The following CELF1 variants were observed in gnomAD, a reference collection of about 807,000 sequenced individuals.
CELF1 encodes the protein CUGBP Elav-like family member 1.
Under a neutral mutation model 61.8 loss-of-function variants are expected in CELF1, and 10 were observed. The ratio of observed to expected loss-of-function variants is 0.16; its 90% CI spans 0.10 to 0.27. The LOEUF (loss-of-function observed/expected upper bound fraction) is 0.27, where lower values mean the gene tolerates loss of function less well. Ranked by LOEUF, CELF1 falls within the 10% of genes least tolerant of loss-of-function variation. The pLI is 1.00. For missense variants in CELF1, 380 were observed against 639.1 expected (o/e 0.59, Z 4.37); for synonymous variants, 236 against 225.1 (o/e 1.05, Z -0.43).
chr11:47,553,188 G>A (rs927327979), upstream of CELF1: 295 of 392,278 alleles, frequency 7.5e-4, 4 homozygotes, highest in East Asian at 0.011. Flanking sequence ...AGAGGAGGAG[G>A]GGGAGCGCGG....
chr11:47,547,597 A>G (rs2096999196), intron 1 of CELF1, among the ~76,000 whole-genome samples: 1 of 143,514 alleles, frequency 7.0e-6, no homozygotes, highest in Non-Finnish European at 1.5e-5. Context: ...TGAACCCGGG[A>G]GGCGGAGGTT....
In CELF1 at chr11:47,468,318, A is replaced by G. The variant is rs1769087847; in HGVS notation, c.*3912T>C. 1 of 152,226 alleles carries G rather than the reference A, an allele frequency of 6.6e-6. No individual in the cohort carries two copies. The highest frequency in any genetic ancestry group is 2.4e-5 in the African/African-American group (1 of 41,440). The allele number at this position is 152,226 out of a possible 1,614,324, so 9.4% of individuals were successfully genotyped here. A position where few individuals can be genotyped will look rare whatever the true frequency, so the allele number is the denominator to read the frequency against. On this transcript the variant is annotated 3_prime_UTR_variant, in exon 15 of 15. Coordinates refer to ENST00000687097, the MANE Select transcript of CELF1 (RefSeq NM_001376376.1). ...TCTCCGCAGTTGAGAACTCAGAAGAAAAACAAAAGAAAGAACAATACATGC... is the reference window on the plus strand; with the variant it reads ...TCTCCGCAGTTGAGAACTCAGAAGAGAAACAAAAGAAAGAACAATACATGC...
At chr11:47,502,320 A>C (rs1355220571) in intron 1 of CELF1, among the ~76,000 whole-genome samples, 1 of 152,208 alleles carries the variant, frequency 6.6e-6, no homozygotes, top group African/African-American at 2.4e-5. Flanking sequence ...CACCAGAGTT[A>C]TCTCAGTATA....
chr11:47,485,790 C>T (rs1025862118), intron 6 of CELF1, among the ~76,000 whole-genome samples: 24 of 149,800 alleles, frequency 1.6e-4, no homozygotes, highest in African/African-American at 5.3e-4. Flanking sequence ...CCATGTTGGC[C>T]GGGTGATCCG....
At chr11:47,545,077 G>A (rs2096898494) in intron 1 of CELF1, among the ~76,000 whole-genome samples, 1 of 152,126 alleles carries the variant, frequency 6.6e-6, no homozygotes, top group Non-Finnish European at 1.5e-5. Context: ...GAGATCAGGA[G>A]TTCAAGATCA....
Position 47,484,411 on chromosome 11 carries a change from C to A in CELF1, c.504G>T (p.Arg168=). The change falls in exon 7 of 15, where the codon CGG becomes CGT. Residue 168 remains arginine (R), a synonymous_variant. Coordinates refer to ENST00000687097, the MANE Select transcript of CELF1 (RefSeq NM_001376376.1). ...FGQIEECRIL[R]GPDGLSRGCA... ...TACCTCGGCTCAGGCCATCAGGTCC[C>A]CGCAATATCCGGCATTCTTCAATCT... The A allele has an allele frequency of 6.2e-7, 1 of 1,613,474 alleles. No homozygotes were observed. Among genetic ancestry groups the A allele is most frequent in the Non-Finnish European group, 8.5e-7 (1 of 1,179,804 alleles).
upstream of CELF1, among the ~76,000 whole-genome samples, chr11:47,554,910 C>T (rs992127510): frequency 4.6e-5 from 7 of 152,066 alleles, no homozygotes; most frequent in African/African-American, 1.4e-4. Context: ...GTGTTCTGCC[C>T]GCCTCTGCCT....
chr11:47,499,696 G>A (rs1438092624), intron 2 of CELF1, 92 bp from the exon 3 acceptor site: 2 of 599,940 alleles, frequency 3.3e-6, no homozygotes, highest in Non-Finnish European at 5.9e-6. Context: ...GGAAGGGGTA[G>A]GGAAAGGGAG....
chr11:47,545,915 ATTTTT>A (rs11315630), intron 1 of CELF1, among the ~76,000 whole-genome samples: 1 of 135,844 alleles, frequency 7.4e-6, no homozygotes, highest in African/African-American at 2.8e-5. Context: ...GTATATATAT[ATTTTT>A]TTTTTTTTGA....
At chr11:47,514,692 C>CCA (rs1299644532) in intron 1 of CELF1, among the ~76,000 whole-genome samples, 3 of 106,070 alleles carry the variant, frequency 2.8e-5, no homozygotes, top group East Asian at 2.8e-4. Context: ...CCTATCTCTA[C>CCA]AAAAAAAAAA....
chr11:47,536,954 A>C (rs1327915917), intron 1 of CELF1, among the ~76,000 whole-genome samples: 1 of 152,216 alleles, frequency 6.6e-6, no homozygotes, highest in Non-Finnish European at 1.5e-5. Context: ...AATATCAAAC[A>C]GCCTAGAAAC....
chr11:47,482,928 T>A (rs561232755), intron 8 of CELF1, 72 bp from the exon 9 acceptor site: 3 of 1,383,898 alleles, frequency 2.2e-6, no homozygotes, highest in Non-Finnish European at 3.0e-6. Flanking sequence ...TCCTTTTGGA[T>A]GACATGCAGG....
chr11:47,497,114 T>G (rs565707430), intron 3 of CELF1, among the ~76,000 whole-genome samples: 72 of 152,292 alleles, frequency 4.7e-4, no homozygotes, highest in African/African-American at 1.7e-3. Flanking sequence ...TAACAACTCT[T>G]GGGTTCTAGT....
At chr11:47,552,231 G>A (rs2097156844) in intron 1 of CELF1, among the ~76,000 whole-genome samples, 2 of 152,066 alleles carry the variant, frequency 1.3e-5, no homozygotes, top group African/African-American at 2.4e-5. Flanking sequence ...CTCAACTATG[G>A]GTATGAGCCT....
chr11:47,489,855 C>A (rs749276519), intron 3 of CELF1, among the ~76,000 whole-genome samples: 5 of 151,192 alleles, frequency 3.3e-5, no homozygotes, highest in Admixed American at 2.0e-4. Context: ...ATTTTAATAC[C>A]TTCATTCCTA....
intron 1 of CELF1, among the ~76,000 whole-genome samples, chr11:47,526,358 T>A (rs2096243062): frequency 6.6e-6 from 1 of 152,152 alleles, no homozygotes; most frequent in African/African-American, 2.4e-5. Flanking sequence ...ATATCTTAAA[T>A]GTGAAGAATA....
At chr11:47,538,794 G>C (rs898905685) in intron 1 of CELF1, among the ~76,000 whole-genome samples, 2 of 151,954 alleles carry the variant, frequency 1.3e-5, no homozygotes, top group Non-Finnish European at 2.9e-5. Context: ...ACAAAATCAC[G>C]TTAGAAGCGC....
intron 11 of CELF1, 32 bp downstream of exon 11, chr11:47,477,265 A>G (rs776635958): frequency 1.2e-6 from 2 of 1,613,346 alleles, no homozygotes; most frequent in South Asian, 1.1e-5. Flanking sequence ...TCCAAGGCAC[A>G]TAATGGCACA....
intron 1 of CELF1, among the ~76,000 whole-genome samples, chr11:47,536,649 C>T (rs1437122668): frequency 6.6e-6 from 1 of 152,114 alleles, no homozygotes; most frequent in African/African-American, 2.4e-5. Flanking sequence ...CCTGTAATCC[C>T]AGCTACTCAG....
Sources: gnomAD v4.1 joint callset for allele counts (sites outside exome capture counted in the v4.1 genomes callset) on GRCh38, gnomAD v4.1.1 for gene constraint, MANE v1.5 for transcripts, NCBI Gene and HGNC (gene_info 2026-07-23, HGNC 2026-07-21) for gene names.